The following HMCN1 variants were observed in gnomAD, a reference collection of about 807,000 sequenced individuals.
HMCN1 encodes hemicentin-1.
A neutral mutation model predicts 625.9 loss-of-function variants in HMCN1; 321 were observed. The ratio of observed to expected loss-of-function variants is 0.51; its 90% confidence interval spans 0.47 to 0.56. HMCN1 has a LOEUF of 0.56. Among genes scored for constraint, HMCN1 ranks in the 20% least tolerant of loss-of-function variants. The pLI is 0.00. For synonymous variants in HMCN1, 2,425 were observed against 2,417.6 expected (o/e 1.00, Z -0.09); for missense variants, 6,588 against 6,887.3 (o/e 0.96, Z 1.54).
Position 185,984,263 on chromosome 1 carries a change from C to T in HMCN1, c.2885C>T (p.Ala962Val). 1 of 1,613,830 alleles carries T rather than the reference C, an allele frequency of 6.2e-7. No individual in the cohort carries two copies. The highest frequency in any genetic ancestry group is 1.7e-5 in the Admixed American group (1 of 60,004). ...LQDGGEYTCVASNVAGTNNKT... is the reference protein window; with the variant it reads ...LQDGGEYTCVVSNVAGTNNKT... ...GATGGTGGTGAATATACTTGTGTGGCCAGTAACGTTGCTGGGACCAATAAC... is the reference window on the plus strand; with the variant it reads ...GATGGTGGTGAATATACTTGTGTGGTCAGTAACGTTGCTGGGACCAATAAC... Residue 962 changes from alanine to valine, a missense_variant, in exon 19 of 107, where the codon GCC (alanine) becomes GTC (valine). Physicochemically the swap from Ala to Val is moderately conservative, Grantham distance 64. Around this residue, in one of 3 missense-constraint regions of HMCN1, gnomAD observed 4,628 missense variants for 4,853.1 expected, o/e 0.95. Transcript: ENST00000271588.
chr1:186,094,858 T>C lies in HMCN1; in HGVS notation c.10295-385T>C, dbSNP rs562832442. Among the ~76,000 whole-genome samples, 7 of 152,300 alleles carry C rather than the reference T, an allele frequency of 4.6e-5. No individual in the cohort carries two copies. The East Asian group carries it at 1.4e-3, about 29-fold the overall frequency. On this transcript the variant is annotated intron_variant, in intron 67 of 106. Transcript: ENST00000271588. ...AACACCTCAGTTAAGTAACGCTTTA[T>C]TGTAATCTACAAATGACTTACCCTA...
At chr1:186,038,063 T>G in intron 37 of HMCN1, 28 bp downstream of exon 37, 1 of 1,382,942 alleles carries the variant, frequency 7.2e-7, no homozygotes, top group Non-Finnish European at 1.0e-6. Flanking sequence ...CTCTGTAACT[T>G]AATATTTTAA....
intron 10 of HMCN1, among the ~76,000 whole-genome samples, chr1:185,930,302 T>G (rs1260939938): frequency 6.6e-6 from 1 of 152,182 alleles, no homozygotes; most frequent in Admixed American, 6.6e-5. Context: ...GAGTGCCCCT[T>G]TGAACTTGAA....
chr1:186,095,592 T>G, intron 68 of HMCN1, 71 bp downstream of exon 68: 1 of 1,493,186 alleles, frequency 6.7e-7, no homozygotes, highest in Non-Finnish European at 9.1e-7. Context: ...TAAATAAGTA[T>G]AATTCTGAGA....
intron 97 of HMCN1, among the ~76,000 whole-genome samples, chr1:186,159,562 T>C (rs1275490959): frequency 6.6e-6 from 1 of 152,242 alleles, no homozygotes; most frequent in Non-Finnish European, 1.5e-5. Flanking sequence ...GGGTTTGTCA[T>C]AGATAGCTCT....
intron 46 of HMCN1, among the ~76,000 whole-genome samples, chr1:186,059,823 A>G (rs1335386034): frequency 6.6e-6 from 1 of 152,058 alleles, no homozygotes; most frequent in Non-Finnish European, 1.5e-5. Context: ...ATTTACTGTC[A>G]GAACCCATTT....
chr1:185,962,484 G>C (rs376630926), intron 11 of HMCN1, 34 bp from the exon 12 acceptor site: 1 of 1,588,866 alleles, frequency 6.3e-7, no homozygotes. Context: ...AGATAAATTG[G>C]CATTTTTCTA....
intron 80 of HMCN1, 37 bp downstream of exon 80, chr1:186,120,182 A>T (rs372902869): frequency 2.2e-5 from 36 of 1,604,966 alleles, no homozygotes; most frequent in Non-Finnish European, 2.9e-5. Flanking sequence ...CAATTCAAAG[A>T]TGTTTGTAAC....
intron 11 of HMCN1, among the ~76,000 whole-genome samples, chr1:185,936,466 G>A (rs1036248815): frequency 6.6e-5 from 10 of 152,004 alleles, no homozygotes; most frequent in Non-Finnish European, 1.0e-4. Context: ...TCTTGACAGT[G>A]CTCCATCCTT....
chr1:186,067,945 C>T lies in HMCN1; in HGVS notation c.7817C>T (p.Thr2606Ile), dbSNP rs1206227537. Residue 2606 changes from threonine to isoleucine, a missense_variant, in exon 50 of 107, where the codon ACC becomes ATC. This residue lies in a region of HMCN1 where 4,628 missense variants were observed against 4,853.1 expected (regional missense o/e 0.95). Transcript: ENST00000271588. ...GAAGCTTATTCATATCCTCCAGCTA[C>T]CATCACCTGGTTTAAGGATGGCACT... ...VCEAYSYPPA[T>I]ITWFKDGTPL... is the part of the protein sequence containing the mutation. 6.2e-7 allele frequency: 1 copy of T among 1,613,524 alleles called. No homozygotes were observed. Among genetic ancestry groups the T allele is most frequent in the Admixed American group, 1.7e-5 (1 of 60,004 alleles).
intron 9 of HMCN1, among the ~76,000 whole-genome samples, chr1:185,926,778 G>A (rs1244941810): frequency 6.6e-6 from 1 of 152,158 alleles, no homozygotes; most frequent in Non-Finnish European, 1.5e-5. Flanking sequence ...GTGACTTAAT[G>A]TTTGTTTATG....
chr1:185,924,178 C>CTAT (rs988638484), intron 8 of HMCN1, among the ~76,000 whole-genome samples: 3 of 125,488 alleles, frequency 2.4e-5, no homozygotes, highest in African/African-American at 9.1e-5. Flanking sequence ...TGTACTTGAG[C>CTAT]TATTTTTCAA....
intron 1 of HMCN1, among the ~76,000 whole-genome samples, chr1:185,842,545 C>T (rs1661539615): frequency 6.6e-6 from 1 of 151,664 alleles, no homozygotes; most frequent in Non-Finnish European, 1.5e-5. Context: ...GCCTGGGCAA[C>T]ATAATGAGAC....
In HMCN1 at chr1:186,136,947, A is replaced by G. The variant is rs1170352607; in HGVS notation, c.13582+10A>G. 6.2e-7 allele frequency: 1 copy of G among 1,612,522 alleles called. No homozygotes were observed. On this transcript the variant is annotated intron_variant, in intron 87 of 106. Transcript: ENST00000271588. ...CCAGTCATAGTCCAGGGTGAGTGTGATCAGAGGAATATTCATAGTAAACAG... is the reference window on the plus strand; with the variant it reads ...CCAGTCATAGTCCAGGGTGAGTGTGGTCAGAGGAATATTCATAGTAAACAG...
chr1:186,125,908 TAAA>T (rs1389120392), intron 82 of HMCN1, 114 bp downstream of exon 82: 2 of 747,520 alleles, frequency 2.7e-6, no homozygotes, highest in Non-Finnish European at 4.3e-6. Flanking sequence ...AATATTCTTG[TAAA>T]ATCAGGTCAC....
rs540976029 is a variant in HMCN1, at chr1:186,034,062, T to C, written c.5750-3872T>C. Among the ~76,000 whole-genome samples, 16 of 152,328 alleles carry C rather than the reference T, an allele frequency of 1.1e-4. No homozygotes were observed. In the South Asian group the frequency reaches 2.9e-3, roughly 28 times the overall value. On this transcript the variant is annotated intron_variant, in intron 36 of 106. Coordinates refer to ENST00000271588, the MANE Select transcript of HMCN1 (RefSeq NM_031935.3). ...GACCTTAAAGTAGGAAGATAATCTC[T>C]AATTATCTGGATGAACCCAATGTAA... is the stretch of plus-strand genomic sequence containing the variant.
intron 1 of HMCN1, among the ~76,000 whole-genome samples, chr1:185,804,253 C>T (rs1159554879): frequency 6.6e-6 from 1 of 151,930 alleles, no homozygotes; most frequent in Non-Finnish European, 1.5e-5. Context: ...TAGAGTATTA[C>T]AAAAATGGTA....
intron 4 of HMCN1, among the ~76,000 whole-genome samples, chr1:185,876,222 C>T (rs998348873): frequency 5.9e-5 from 9 of 152,026 alleles, no homozygotes; most frequent in African/African-American, 1.9e-4. Context: ...GCTCCCTCCA[C>T]GTTGCTGCAG....
intron 79 of HMCN1, 48 bp downstream of exon 79, chr1:186,119,930 T>C: frequency 6.2e-7 from 1 of 1,613,990 alleles, no homozygotes; most frequent in Non-Finnish European, 8.5e-7. Context: ...ACATCAGTGT[T>C]TTATAATTCG....
Sources: allele counts gnomAD v4.1 joint callset (sites outside exome capture counted in the v4.1 genomes callset), GRCh38; gene constraint gnomAD v4.1.1; regional missense constraint gnomAD v4.1.1; transcripts MANE v1.5; gene names NCBI Gene and HGNC (gene_info 2026-07-23, HGNC 2026-07-21).